EFNA5: variants seen among roughly 807,000 people sequenced by gnomAD.
EFNA5 encodes the protein ephrin-A5.
Under a neutral mutation model 22.9 loss-of-function variants are expected in EFNA5, and 5 were observed. The observed-to-expected ratio is 0.22, with a 90% confidence interval of 0.11 to 0.46. The LOEUF is 0.46. Ranked by LOEUF, EFNA5 falls within the 20% of genes least tolerant of loss-of-function variation. The pLI is 0.99. For synonymous variants in EFNA5, 113 were observed against 112.2 expected (o/e 1.01, Z -0.04); for missense variants, 237 against 293.3 (o/e 0.81, Z 1.40).
chr5:107,440,395 G>A (rs1453042813), intron 1 of EFNA5, among the ~76,000 whole-genome samples: 1 of 152,054 alleles, frequency 6.6e-6, no homozygotes, highest in East Asian at 1.9e-4. Flanking sequence ...TGTCTACCTT[G>A]GAAAAGAACT....
intron 1 of EFNA5, among the ~76,000 whole-genome samples, chr5:107,648,699 T>C (rs1243688762): frequency 6.6e-6 from 1 of 152,178 alleles, no homozygotes; most frequent in Non-Finnish European, 1.5e-5. Context: ...GGTAGTTGAA[T>C]ATATGTCACA....
chr5:107,454,928 A>C (rs111757518), intron 1 of EFNA5, among the ~76,000 whole-genome samples: 70 of 152,314 alleles, frequency 4.6e-4, no homozygotes, highest in Middle Eastern at 3.4e-3. Flanking sequence ...AGGTCTGAAG[A>C]GTTGAAACTG....
Position 107,386,644 on chromosome 5 carries a change from A to T in EFNA5, c.565+591T>A, listed in dbSNP as rs1453086397. ...GCTACTGGTACATTTGTGGCACAAG[A>T]GATGTGCGAATTTGTGGTGGCAATG... On this transcript the variant is annotated intron_variant, in intron 4 of 4. Transcript: ENST00000333274. 2.0e-5 allele frequency among the ~76,000 whole-genome samples: 3 copies of T among 152,190 alleles called. No homozygotes were observed. In the East Asian group the frequency reaches 5.8e-4, roughly 29 times the overall value.
chr5:107,659,313 T>C (rs890452158), intron 1 of EFNA5, among the ~76,000 whole-genome samples: 1 of 152,026 alleles, frequency 6.6e-6, no homozygotes, highest in African/African-American at 2.4e-5. Context: ...GGAATGAAAA[T>C]AGTAATGGAA....
chr5:107,540,975 C>T (rs773071984), intron 1 of EFNA5, among the ~76,000 whole-genome samples: 8 of 151,960 alleles, frequency 5.3e-5, no homozygotes, highest in African/African-American at 1.5e-4. Flanking sequence ...GGCATGGTGG[C>T]GTGGGCCTGT....
chr5:107,490,286 T>C (rs1288192818), intron 1 of EFNA5, among the ~76,000 whole-genome samples: 1 of 152,148 alleles, frequency 6.6e-6, no homozygotes, highest in African/African-American at 2.4e-5. Flanking sequence ...TTTAGTGACC[T>C]GATCTTCCTA....
intron 1 of EFNA5, among the ~76,000 whole-genome samples, chr5:107,644,248 GATAA>G (rs1298025608): frequency 1.3e-5 from 2 of 152,036 alleles, no homozygotes; most frequent in Admixed American, 6.6e-5. Flanking sequence ...CTCCATTAGT[GATAA>G]ATAGTCACCT....
At chr5:107,564,393 C>A (rs1371621451) in intron 1 of EFNA5, among the ~76,000 whole-genome samples, 1 of 152,186 alleles carries the variant, frequency 6.6e-6, no homozygotes, top group East Asian at 1.9e-4. Context: ...TCCTCTTTCA[C>A]ACATATACAG....
intron 1 of EFNA5, among the ~76,000 whole-genome samples, chr5:107,473,809 T>C (rs1157904647): frequency 6.6e-6 from 1 of 151,942 alleles, no homozygotes; most frequent in African/African-American, 2.4e-5. Flanking sequence ...TACAGGCATG[T>C]GCCACCACGC....
At chr5:107,437,935 C>G (rs1749159274) in intron 1 of EFNA5, among the ~76,000 whole-genome samples, 1 of 152,318 alleles carries the variant, frequency 6.6e-6, no homozygotes, top group Non-Finnish European at 1.5e-5. Context: ...AAGTAGACAA[C>G]TTAAGCACCT....
intron 1 of EFNA5, among the ~76,000 whole-genome samples, chr5:107,630,195 C>A (rs956169651): frequency 2.0e-5 from 3 of 152,114 alleles, no homozygotes; most frequent in African/African-American, 7.2e-5. Context: ...AAAGATGGAA[C>A]ACCCTGCTCT....
At chr5:107,570,612 C>T (rs917036315) in intron 1 of EFNA5, among the ~76,000 whole-genome samples, 1 of 149,400 alleles carries the variant, frequency 6.7e-6, no homozygotes, top group African/African-American at 2.5e-5. Context: ...GGAAAGACAG[C>T]TCCTAGAGAT....
chr5:107,484,582 G>A (rs1369818334), intron 1 of EFNA5, among the ~76,000 whole-genome samples: 2 of 152,178 alleles, frequency 1.3e-5, no homozygotes, highest in Admixed American at 6.5e-5. Context: ...GAGACAAACT[G>A]TATAATTGCC....
rs145485877 is a variant in EFNA5, at chr5:107,465,926, C to T, written c.126-38417G>A. ...CAGACATGTGCGGTGTGCTCTGCAA[C>T]CACCTGCCTTGCCCACTACACCCAG... On this transcript the variant is annotated intron_variant, in intron 1 of 4. Transcript: ENST00000333274. Among the ~76,000 whole-genome samples the T allele has an allele frequency of 5.5e-4, 83 of 152,232 alleles. No individual in the cohort carries two copies. In the East Asian group the frequency reaches 0.014, roughly 26 times the overall value.
intron 1 of EFNA5, among the ~76,000 whole-genome samples, chr5:107,548,489 GT>G (rs1006235528): frequency 6.6e-6 from 1 of 152,110 alleles, no homozygotes; most frequent in African/African-American, 2.4e-5. Flanking sequence ...CCTTCAGATA[GT>G]TTTTTTGCAA....
At chr5:107,383,310 T>C (rs1211229708) in intron 4 of EFNA5, among the ~76,000 whole-genome samples, 1 of 151,980 alleles carries the variant, frequency 6.6e-6, no homozygotes, top group Admixed American at 6.6e-5. Context: ...GCAGAAAAAA[T>C]ATATATAAAG....
chr5:107,558,334 C>T (rs1039792301), intron 1 of EFNA5, among the ~76,000 whole-genome samples: 1 of 151,902 alleles, frequency 6.6e-6, no homozygotes, highest in African/African-American at 2.4e-5. Flanking sequence ...TTGCATTTTA[C>T]ACTGAACAAT....
At chr5:107,546,145 CA>C (rs1232647484) in intron 1 of EFNA5, among the ~76,000 whole-genome samples, 2 of 152,060 alleles carry the variant, frequency 1.3e-5, no homozygotes, top group African/African-American at 2.4e-5. Context: ...AAGTGAGAAG[CA>C]GAAAAAGGTA....
chr5:107,484,432 TAA>T (rs1232306349), intron 1 of EFNA5, among the ~76,000 whole-genome samples: 1 of 152,202 alleles, frequency 6.6e-6, no homozygotes, highest in African/African-American at 2.4e-5. Flanking sequence ...GATTCAGAAC[TAA>T]CATGGAAGAT....
Sources: gnomAD v4.1 joint callset for allele counts (sites outside exome capture counted in the v4.1 genomes callset) on GRCh38, gnomAD v4.1.1 for gene constraint, MANE v1.5 for transcripts, NCBI Gene and HGNC (gene_info 2026-07-23, HGNC 2026-07-21) for gene names.